GALNT2: variants seen among roughly 807,000 people sequenced by gnomAD.
The protein encoded by GALNT2 is polypeptide N-acetylgalactosaminyltransferase 2.
Under a neutral mutation model 81.4 loss-of-function variants are expected in GALNT2, and 31 were observed. That is an observed-to-expected ratio of 0.38 (90% CI 0.29 to 0.51). GALNT2 has a LOEUF of 0.51. GALNT2 is among the 20% of genes least tolerant of loss of function. The probability of loss-of-function intolerance (pLI) is 0.87; values close to 1 mark genes in which losing one functional copy is unlikely to be tolerated. For missense variants in GALNT2, 629 were observed against 765.7 expected (o/e 0.82, Z 2.11); for synonymous variants, 303 against 287.4 (o/e 1.05, Z -0.55).
intron 6 of GALNT2, among the ~76,000 whole-genome samples, chr1:230,240,659 A>G (rs985759850): frequency 4.1e-5 from 6 of 145,068 alleles, no homozygotes; most frequent in African/African-American, 1.5e-4. Flanking sequence ...TTGTCTCTAT[A>G]TCTGTTTTTT....
chr1:230,129,010 G>A (rs1661284443), intron 1 of GALNT2, among the ~76,000 whole-genome samples: 1 of 152,232 alleles, frequency 6.6e-6, no homozygotes, highest in Non-Finnish European at 1.5e-5. Flanking sequence ...CGCGACACTT[G>A]TGAAGCACAC....
chr1:230,270,815 C>T (rs535457773), intron 14 of GALNT2, among the ~76,000 whole-genome samples: 2 of 152,056 alleles, frequency 1.3e-5, no homozygotes, highest in Non-Finnish European at 2.9e-5. Context: ...AGAGTGGCAG[C>T]TCAAAAAAGC....
At chr1:230,078,738 G>A (rs894310052) in intron 1 of GALNT2, among the ~76,000 whole-genome samples, 4 of 152,244 alleles carry the variant, frequency 2.6e-5, no homozygotes, top group African/African-American at 9.6e-5. Context: ...TTCTGCCTAA[G>A]CAGACTGCCC....
intron 6 of GALNT2, among the ~76,000 whole-genome samples, chr1:230,237,375 G>T (rs1286433017): frequency 1.3e-5 from 2 of 152,198 alleles, no homozygotes; most frequent in African/African-American, 2.4e-5. Flanking sequence ...AGACTGAATT[G>T]TTAGGCTCCT....
chr1:230,211,133 C>T (rs1240173463), intron 3 of GALNT2, among the ~76,000 whole-genome samples: 9 of 152,192 alleles, frequency 5.9e-5, no homozygotes, highest in African/African-American at 1.9e-4. Context: ...CGGCAGCTCG[C>T]GGCGTCTCAT....
intron 1 of GALNT2, among the ~76,000 whole-genome samples, chr1:230,105,212 C>T (rs1040349054): frequency 1.3e-5 from 2 of 152,212 alleles, no homozygotes; most frequent in Non-Finnish European, 2.9e-5. Context: ...CTGAATCATT[C>T]TCCAGGAGGG....
chr1:230,246,270 C>T (rs1052536466), intron 8 of GALNT2, 120 bp downstream of exon 8: 9 of 798,866 alleles, frequency 1.1e-5, no homozygotes, highest in Admixed American at 8.5e-5. Flanking sequence ...AGTGTGTGTT[C>T]TGAGTAAAAA....
intron 1 of GALNT2, among the ~76,000 whole-genome samples, chr1:230,077,673 T>G (rs1189531917): frequency 6.6e-6 from 1 of 152,170 alleles, no homozygotes; most frequent in Non-Finnish European, 1.5e-5. Flanking sequence ...ACTTTTTGAC[T>G]CAGATGTTAG....
chr1:230,100,006 A>C (rs1660356077), intron 1 of GALNT2, among the ~76,000 whole-genome samples: 1 of 152,218 alleles, frequency 6.6e-6, no homozygotes, highest in Non-Finnish European at 1.5e-5. Flanking sequence ...AGGCTCCTTT[A>C]GGGCAAGGGC....
At chr1:230,063,404 A>G (rs766356081), upstream of GALNT2, among the ~76,000 whole-genome samples, 18 of 151,970 alleles carry the variant, frequency 1.2e-4, no homozygotes, top group Middle Eastern at 3.4e-3. Flanking sequence ...TTTTATTTCC[A>G]TAATCAACAC....
At chr1:230,140,740 C>T (rs1438059749) in intron 1 of GALNT2, among the ~76,000 whole-genome samples, 1 of 152,196 alleles carries the variant, frequency 6.6e-6, no homozygotes, top group Non-Finnish European at 1.5e-5. Context: ...CTCCCTTCCC[C>T]TTTTCCTCAG....
intron 3 of GALNT2, among the ~76,000 whole-genome samples, chr1:230,221,158 C>T (rs999399853): frequency 1.3e-5 from 2 of 149,708 alleles, no homozygotes; most frequent in African/African-American, 2.5e-5. Flanking sequence ...ACTGTATTTG[C>T]TGTTTGCCTG....
chr1:230,262,607 G>A lies in GALNT2; in HGVS notation c.1171G>A (p.Glu391Lys). 1 of 1,611,778 alleles carries A rather than the reference G, an allele frequency of 6.2e-7. No homozygotes were observed. ...CCGGGCAGCAGAGGTCTGGATGGATGAATACAAAAATTTCTATTATGCAGC... is the reference window on the plus strand; with the variant it reads ...CCGGGCAGCAGAGGTCTGGATGGATAAATACAAAAATTTCTATTATGCAGC... ...TRRAAEVWMD[E>K]YKNFYYAAVP... is the part of the protein sequence containing the mutation. The change falls in exon 12 of 16, where the codon GAA becomes AAA. Residue 391 changes from glutamate to lysine, a missense_variant. By Grantham distance (56) the Glu-to-Lys change is moderately conservative. Coordinates refer to ENST00000366672, the MANE Select transcript of GALNT2 (RefSeq NM_004481.5).
chr1:230,156,244 A>T (rs1241215779), intron 1 of GALNT2, among the ~76,000 whole-genome samples: 9 of 147,000 alleles, frequency 6.1e-5, no homozygotes, highest in East Asian at 6.0e-4. Flanking sequence ...AGAGAGAGAG[A>T]GTGTGTGTGT....
chr1:230,180,008 C>G (rs1032599360), intron 2 of GALNT2, among the ~76,000 whole-genome samples: 1 of 152,180 alleles, frequency 6.6e-6, no homozygotes, highest in Non-Finnish European at 1.5e-5. Context: ...CAACCTCCAC[C>G]TCCCAGGTTC....
chr1:230,070,398 G>C lies in GALNT2; in HGVS notation c.126+2992G>C, dbSNP rs893346118. Among the ~76,000 whole-genome samples the C allele has an allele frequency of 9.9e-5, 15 of 152,200 alleles. No individual in the cohort carries two copies. Among genetic ancestry groups the C allele is most frequent in the African/African-American group, 3.6e-4 (15 of 41,440 alleles). On this transcript the variant is annotated intron_variant, in intron 1 of 15. Coordinates refer to ENST00000366672, the MANE Select transcript of GALNT2 (RefSeq NM_004481.5). The surrounding 1 kb of genome is among the most constrained non-coding windows in gnomAD (Gnocchi z 4.7). ...TGGCAGTGGATGGAGCCGCAGAAGA[G>C]AGGAAGGGATTTCTCTGGAAATGAA...
chr1:230,093,404 A>G (rs1350206913), intron 1 of GALNT2, among the ~76,000 whole-genome samples: 2 of 74,018 alleles, frequency 2.7e-5, no homozygotes, highest in Non-Finnish European at 5.5e-5. Flanking sequence ...GGAGCATTAG[A>G]TCACAGTTGT....
At chr1:230,058,640 T>C (rs1658975095) in intron 1 of GALNT2, among the ~76,000 whole-genome samples, 1 of 152,238 alleles carries the variant, frequency 6.6e-6, no homozygotes, top group Non-Finnish European at 1.5e-5. Flanking sequence ...ACACAAACAG[T>C]GCCTGGCATA....
chr1:230,073,686 A>G (rs1239343824), intron 1 of GALNT2, among the ~76,000 whole-genome samples: 1 of 152,242 alleles, frequency 6.6e-6, no homozygotes, highest in Admixed American at 6.5e-5. Flanking sequence ...TTCCCAGGCT[A>G]TGGGAGTTAT....
Sources: gnomAD v4.1 joint callset for allele counts (sites outside exome capture counted in the v4.1 genomes callset) on GRCh38, gnomAD v4.1.1 for gene constraint, Gnocchi (gnomAD v3.1) non-coding constraint, MANE v1.5 for transcripts, NCBI Gene and HGNC (gene_info 2026-07-23, HGNC 2026-07-21) for gene names.